TBC1D22A: variants seen among roughly 807,000 people sequenced by gnomAD.
TBC1D22A encodes the protein TBC1 domain family member 22A, also known as putative GTPase activator.
TBC1D22A carries 38 observed loss-of-function variants against 60.2 expected under a neutral mutation model. The ratio of observed to expected loss-of-function variants is 0.63; its 90% confidence interval spans 0.49 to 0.83. TBC1D22A has a LOEUF of 0.83. Ranked by LOEUF, TBC1D22A falls within the 40% of genes least tolerant of loss-of-function variation. The probability of loss-of-function intolerance (pLI) is 0.00; values close to 1 mark genes in which losing one functional copy is unlikely to be tolerated. For missense variants in TBC1D22A, 628 were observed against 701.0 expected, an observed-to-expected ratio of 0.90 and a Z score of 1.18; for synonymous variants, 302 against 281.7, an observed-to-expected ratio of 1.07 and a Z score of -0.72.
At chr22:47,134,821 T>TG (rs142790821) in intron 12 of TBC1D22A, among the ~76,000 whole-genome samples, 2,077 of 152,232 alleles carry the variant, frequency 0.014, 53 homozygotes, top group African/African-American at 0.044. Flanking sequence ...CAAATTGAGA[T>TG]GGGGGGTTCA....
At chr22:47,070,345 C>T (rs2063934614) in intron 11 of TBC1D22A, among the ~76,000 whole-genome samples, 1 of 146,028 alleles carries the variant, frequency 6.8e-6, no homozygotes, top group Non-Finnish European at 1.5e-5. Context: ...TTGGTTGGAG[C>T]GGGGCTGACC....
chr22:47,076,779 C>CA (rs1211766486), intron 11 of TBC1D22A, among the ~76,000 whole-genome samples: 2 of 151,940 alleles, frequency 1.3e-5, no homozygotes, highest in Admixed American at 6.6e-5. Context: ...GCAACAGCAA[C>CA]AAAAAACAGT....
At chr22:47,139,645 C>T (rs1328562767) in intron 12 of TBC1D22A, among the ~76,000 whole-genome samples, 1 of 152,202 alleles carries the variant, frequency 6.6e-6, no homozygotes, top group Non-Finnish European at 1.5e-5. Context: ...GAGTCTAGGA[C>T]ACTCACCTTC....
At chr22:47,127,278 A>C (rs2066494121) in intron 12 of TBC1D22A, among the ~76,000 whole-genome samples, 1 of 145,062 alleles carries the variant, frequency 6.9e-6, no homozygotes, top group Non-Finnish European at 1.5e-5. Flanking sequence ...CCCAGGCTGA[A>C]GTGCAGTGAC....
chr22:46,886,562 G>A (rs956144887), intron 5 of TBC1D22A, among the ~76,000 whole-genome samples: 1 of 152,212 alleles, frequency 6.6e-6, no homozygotes, highest in Non-Finnish European at 1.5e-5. Context: ...ATTCCTTTGA[G>A]CTAAAAGTTC....
intron 4 of TBC1D22A, among the ~76,000 whole-genome samples, chr22:46,832,235 G>A (rs2086341439): frequency 6.6e-6 from 1 of 152,226 alleles, no homozygotes; most frequent in African/African-American, 2.4e-5. Flanking sequence ...GATCCAGAGC[G>A]GGAGCTGTGG....
chr22:47,081,263 A>G (rs1050151780), intron 11 of TBC1D22A, among the ~76,000 whole-genome samples: 5 of 152,256 alleles, frequency 3.3e-5, no homozygotes, highest in African/African-American at 1.2e-4. Context: ...GACCATGTCA[A>G]TAGATGCAGA....
Position 47,104,793 on chromosome 22 carries a change from C to G in TBC1D22A, c.1330-6715C>G, listed in dbSNP as rs148574044. Among the ~76,000 whole-genome samples, 48 of 152,110 alleles carry G rather than the reference C, an allele frequency of 3.2e-4. 1 individual carries two copies. In the East Asian group the frequency reaches 6.6e-3, roughly 21 times the overall value. On this transcript the variant is annotated intron_variant, in intron 11 of 12. Coordinates refer to ENST00000337137, the MANE Select transcript of TBC1D22A (RefSeq NM_014346.5). The stretch of plus-strand genomic sequence containing the variant: ...TCAAAAGAACCTTGGTCTCCACAGT[C>G]TTTTATCTTAACCTGGACATTTCCT...
chr22:46,837,180 CAGTTCA>C (rs2086561170), intron 4 of TBC1D22A, among the ~76,000 whole-genome samples: 1 of 152,044 alleles, frequency 6.6e-6, no homozygotes, highest in Admixed American at 6.6e-5. Flanking sequence ...ATGAAGGGGT[CAGTTCA>C]TCAAGAAGAT....
intron 12 of TBC1D22A, among the ~76,000 whole-genome samples, chr22:47,115,675 C>A (rs1006978683): frequency 6.6e-6 from 1 of 152,170 alleles, no homozygotes; most frequent in East Asian, 1.9e-4. Context: ...TCCGCTGTCC[C>A]CTCTGTTAGG....
intron 10 of TBC1D22A, among the ~76,000 whole-genome samples, chr22:47,034,153 A>G (rs999022544): frequency 1.3e-5 from 2 of 152,246 alleles, no homozygotes; most frequent in East Asian, 3.8e-4. Flanking sequence ...TCTTTAATAA[A>G]GCGGCAGTGG....
intron 4 of TBC1D22A, among the ~76,000 whole-genome samples, chr22:46,803,508 C>A (rs1469377432): frequency 6.6e-6 from 1 of 152,192 alleles, no homozygotes. Flanking sequence ...TCTTGCGACC[C>A]GGCCGTCAGC....
chr22:46,890,315 G>A (rs976554411), intron 5 of TBC1D22A, among the ~76,000 whole-genome samples: 2 of 152,084 alleles, frequency 1.3e-5, no homozygotes, highest in Non-Finnish European at 2.9e-5. Context: ...TCCAGCCTGG[G>A]CGACAGAGTG....
chr22:46,999,681 T>G (rs1309123479), intron 10 of TBC1D22A, among the ~76,000 whole-genome samples: 1 of 152,086 alleles, frequency 6.6e-6, no homozygotes, highest in Non-Finnish European at 1.5e-5. Context: ...TTGTAAAGAT[T>G]TTATTAAGGG....
chr22:46,907,147 C>T (rs370050812), intron 7 of TBC1D22A, among the ~76,000 whole-genome samples: 144 of 151,798 alleles, frequency 9.5e-4, no homozygotes, highest in African/African-American at 2.1e-3. Flanking sequence ...TGTGTGTGTG[C>T]GTGTGTTCTT....
Position 46,995,877 on chromosome 22 carries a change from C to T in TBC1D22A, c.1126-1757C>T, listed in dbSNP as rs574898924. 3.2e-4 allele frequency among the ~76,000 whole-genome samples: 49 copies of T among 152,264 alleles called. No individual in the cohort carries two copies. In the South Asian group the frequency reaches 0.01, roughly 32 times the overall value. ...ACACCACTCTCTGGTTTACTTCTCACCCTTAATTCTGTGCTTGAACCGTTT... is the reference window on the plus strand; with the variant it reads ...ACACCACTCTCTGGTTTACTTCTCATCCTTAATTCTGTGCTTGAACCGTTT... On this transcript the variant is annotated intron_variant, in intron 9 of 12. Transcript: ENST00000337137.
At chr22:47,124,084 C>A (rs1601589360) in intron 12 of TBC1D22A, among the ~76,000 whole-genome samples, 1 of 152,162 alleles carries the variant, frequency 6.6e-6, no homozygotes, top group African/African-American at 2.4e-5. Context: ...TTAGGCCTCC[C>A]CGAAGAGGGG....
At position 47,169,937 on chromosome 22, in the gene TBC1D22A, AG is replaced by A. The variant is rs1473649880; in HGVS notation, c.1426-3560del. On this transcript the variant is annotated intron_variant, in intron 12 of 12. Transcript: ENST00000337137. ...CAGGCAGCACCGTCATTGCTGGGAG[AG>A]CCATGTCCCTGAATGTGACCGAGGG... Among the ~76,000 whole-genome samples, 4 of 152,140 alleles carry A rather than the reference AG, an allele frequency of 2.6e-5. No homozygotes were observed. The East Asian group carries it at 7.7e-4, about 29-fold the overall frequency.
At chr22:46,942,087 CGTATATAAAT>C (rs2072208363) in intron 8 of TBC1D22A, among the ~76,000 whole-genome samples, 1 of 149,546 alleles carries the variant, frequency 6.7e-6, no homozygotes, top group East Asian at 1.9e-4. Flanking sequence ...CACTAGCATA[CGTATATAAAT>C]ACACAGTCCA....
Sources: gnomAD v4.1 joint callset for allele counts (sites outside exome capture counted in the v4.1 genomes callset) on GRCh38, gnomAD v4.1.1 for gene constraint, MANE v1.5 for transcripts, NCBI Gene and HGNC (gene_info 2026-07-23, HGNC 2026-07-21) for gene names.